Variants in DERA observed in about 807,000 individuals in gnomAD.
The protein encoded by DERA is 2-deoxy-D-ribose 5-phosphate aldolase.
A neutral mutation model predicts 41.1 loss-of-function variants in DERA; 15 were observed. That is an observed-to-expected ratio of 0.37 (90% CI 0.24 to 0.56). The LOEUF (loss-of-function observed/expected upper bound fraction) is 0.56. DERA is among the 20% of genes least tolerant of loss of function. The pLI is 0.81. For synonymous variants in DERA, 139 were observed against 137.4 expected (o/e 1.01, Z -0.08); for missense variants, 396 against 403.4 (o/e 0.98, Z 0.16).
In DERA at chr12:16,007,182, T is replaced by G. The variant is rs546053397; in HGVS notation, c.637+24746T>G. ...TCTTTTTGGGGTTTTTTTGTTTTTT[T>G]TTTTTTGTTTTTTTTTTTTGAGACA... On this transcript the variant is annotated intron_variant, in intron 6 of 8. Transcript: ENST00000428559. Among the ~76,000 whole-genome samples the G allele has an allele frequency of 1.8e-4, 26 of 148,320 alleles. No individual in the cohort carries two copies. The South Asian group carries it at 3.4e-3, about 19-fold the overall frequency.
In DERA at chr12:16,000,822, A is replaced by G. The variant is rs975192631; in HGVS notation, c.637+18386A>G. Among the ~76,000 whole-genome samples the G allele has an allele frequency of 6.6e-6, 1 of 152,094 alleles. No individual in the cohort carries two copies. The highest frequency in any genetic ancestry group is 1.5e-5 in the Non-Finnish European group (1 of 68,024). ...ATATGTTACCTCAGAGTCTGTAATG[A>G]TACCTATAGTTGCATCCATCAGATG... On this transcript the variant is annotated intron_variant, in intron 6 of 8. Coordinates refer to ENST00000428559, the MANE Select transcript of DERA (RefSeq NM_015954.4). This position sits in a 1 kb window ranked among gnomAD's most constrained non-coding sequence, Gnocchi z 4.8.
intron 1 of DERA, among the ~76,000 whole-genome samples, chr12:15,933,476 C>T (rs1948344214): frequency 6.6e-6 from 1 of 151,894 alleles, no homozygotes; most frequent in South Asian, 2.1e-4. Context: ...TTTGTTATAC[C>T]AAATTGGCAG....
rs117473613 is a variant in DERA, at chr12:15,941,535, C to G, written c.32-15401C>G. On this transcript the variant is annotated intron_variant, in intron 1 of 8. Coordinates refer to ENST00000428559, the MANE Select transcript of DERA (RefSeq NM_015954.4). The surrounding 1 kb of genome is among the most constrained non-coding windows in gnomAD (Gnocchi z 4.5). ...TTTATTCCTCACCCCTCCCTATTCT[C>G]TCCCGCTGAATCCTCAGAGTTCGCT... Among the ~76,000 whole-genome samples the G allele has an allele frequency of 1.3e-5, 2 of 152,268 alleles. No homozygotes were observed. Among genetic ancestry groups the G allele is most frequent in the East Asian group, 1.9e-4 (1 of 5,174 alleles).
intron 1 of DERA, among the ~76,000 whole-genome samples, chr12:15,934,030 C>CTAGG (rs1948348026): frequency 6.6e-6 from 1 of 152,132 alleles, no homozygotes; most frequent in African/African-American, 2.4e-5. Flanking sequence ...GTTGGTTGTA[C>CTAGG]TAGGATAAAG....
chr12:16,032,720 C>A, intron 7 of DERA, 66 bp downstream of exon 7: 1 of 955,748 alleles, frequency 1.0e-6, no homozygotes. Flanking sequence ...CTAGTTACAG[C>A]CACAATAACT....
intron 1 of DERA, among the ~76,000 whole-genome samples, chr12:15,932,607 A>G (rs1948336811): frequency 6.6e-6 from 1 of 152,014 alleles, no homozygotes; most frequent in Non-Finnish European, 1.5e-5. Context: ...TTGTGCCATT[A>G]CACTTCAGCC....
chr12:16,036,393 T>A lies in DERA; in HGVS notation c.900+12T>A, dbSNP rs142435227. 1.3e-6 allele frequency: 2 copies of A among 1,575,928 alleles called. No homozygotes were observed. The highest frequency in any genetic ancestry group is 8.6e-7 in the Non-Finnish European group (1 of 1,165,206). The stretch of plus-strand genomic sequence containing the variant: ...ACATTGAGAGGCAGGTGAGTAATCA[T>A]CTCTGTCTTTGGAATAAATTAACAA... On this transcript the variant is annotated intron_variant, in intron 8 of 8. Coordinates refer to ENST00000428559, the MANE Select transcript of DERA (RefSeq NM_015954.4). The surrounding 1 kb of genome is among the most constrained non-coding windows in gnomAD (Gnocchi z 4.9).
intron 6 of DERA, among the ~76,000 whole-genome samples, chr12:16,005,474 C>T (rs369509786): frequency 3.9e-5 from 6 of 152,046 alleles, no homozygotes; most frequent in South Asian, 2.1e-4. Flanking sequence ...AAGACCAGCT[C>T]GCTTCAACCG....
In DERA at chr12:15,941,489, G is replaced by A. The variant is rs1429340625; in HGVS notation, c.32-15447G>A. ...TGTACCCATCACCCTAGCAATGTAC[G>A]CTGTACCTAATATGTAGTCTTTTAT... On this transcript the variant is annotated intron_variant, in intron 1 of 8. Coordinates refer to ENST00000428559, the MANE Select transcript of DERA (RefSeq NM_015954.4). This position sits in a 1 kb window ranked among gnomAD's most constrained non-coding sequence, Gnocchi z 4.5. Among the ~76,000 whole-genome samples the A allele has an allele frequency of 1.3e-5, 2 of 152,082 alleles. No homozygotes were observed. Among genetic ancestry groups the A allele is most frequent in the South Asian group, 2.1e-4 (1 of 4,826 alleles).
intron 6 of DERA, among the ~76,000 whole-genome samples, chr12:16,031,937 T>C (rs1949095213): frequency 6.6e-6 from 1 of 152,210 alleles, no homozygotes; most frequent in African/African-American, 2.4e-5. Flanking sequence ...GTTATTTTGT[T>C]AAACTACATT....
At chr12:16,033,778 CT>C (rs1395948205) in intron 7 of DERA, among the ~76,000 whole-genome samples, 1 of 151,590 alleles carries the variant, frequency 6.6e-6, no homozygotes, top group East Asian at 1.9e-4. Context: ...GAATAGTGAC[CT>C]TTTTTTTAAT....
At chr12:15,944,823 G>A (rs1948435036) in intron 1 of DERA, among the ~76,000 whole-genome samples, 1 of 152,258 alleles carries the variant, frequency 6.6e-6, no homozygotes, top group Non-Finnish European at 1.5e-5. Flanking sequence ...GTCCTGAATG[G>A]TATTGCCTAG....
At position 15,994,599 on chromosome 12, in the gene DERA, G is replaced by T. The variant is rs1286881950; in HGVS notation, c.637+12163G>T. Among the ~76,000 whole-genome samples the T allele has an allele frequency of 6.6e-6, 1 of 152,140 alleles. No homozygotes were observed. Among genetic ancestry groups the T allele is most frequent in the Non-Finnish European group, 1.5e-5 (1 of 68,022 alleles). ...CTCCTGAATAGCTGGGACTACAGGC[G>T]CCTGCAACCACGCCTGGCTAATTTT... On this transcript the variant is annotated intron_variant, in intron 6 of 8. Coordinates refer to ENST00000428559, the MANE Select transcript of DERA (RefSeq NM_015954.4). This position sits in a 1 kb window ranked among gnomAD's most constrained non-coding sequence, Gnocchi z 4.8.
rs1297307802 is a variant in DERA, at chr12:16,019,538, T to G, written c.638-13004T>G. Among the ~76,000 whole-genome samples, 2 of 152,212 alleles carry G rather than the reference T, an allele frequency of 1.3e-5. No homozygotes were observed. The highest frequency in any genetic ancestry group is 2.9e-5 in the Non-Finnish European group (2 of 68,048). On this transcript the variant is annotated intron_variant, in intron 6 of 8. Transcript: ENST00000428559. This position sits in a 1 kb window ranked among gnomAD's most constrained non-coding sequence, Gnocchi z 4.4. The stretch of plus-strand genomic sequence containing the variant: ...ATACATTCATATATCTGTGTATATG[T>G]CCCTCCTCCCACCTCACCTCCAACA...
chr12:16,028,752 A>G (rs555656905), intron 6 of DERA, among the ~76,000 whole-genome samples: 14 of 152,368 alleles, frequency 9.2e-5, no homozygotes, highest in Non-Finnish European at 1.5e-4. Flanking sequence ...ACCTCAGTCC[A>G]GTGATGAGAA....
rs755525686 is a variant in DERA, at chr12:16,020,517, AAC to A, written c.638-12021_638-12020del. On this transcript the variant is annotated intron_variant, in intron 6 of 8. Coordinates refer to ENST00000428559, the MANE Select transcript of DERA (RefSeq NM_015954.4). This position sits in a 1 kb window ranked among gnomAD's most constrained non-coding sequence, Gnocchi z 5.5. ...CTTTGTAGCAATGCAAGAATGGACT[AAC>A]ACAGAAAACTGATACCAGGAGTGGT... Among the ~76,000 whole-genome samples the A allele has an allele frequency of 2.0e-5, 3 of 152,226 alleles. No homozygotes were observed.
chr12:15,951,133 G>A (rs1948494638), intron 1 of DERA, among the ~76,000 whole-genome samples: 1 of 152,188 alleles, frequency 6.6e-6, no homozygotes. Context: ...GTTGGCCCAG[G>A]GACAGTCTGT....
Position 15,964,992 on chromosome 12 carries a change from C to T in DERA, c.508+2045C>T, listed in dbSNP as rs539341945. On this transcript the variant is annotated intron_variant, in intron 5 of 8. Coordinates refer to ENST00000428559, the MANE Select transcript of DERA (RefSeq NM_015954.4). ...TTTTCTAGTGTTAATAACCTCTTGA[C>T]CCAAACAAATTGAAAAGGAACATTT... 2.0e-5 allele frequency among the ~76,000 whole-genome samples: 3 copies of T among 152,180 alleles called. No homozygotes were observed. In the South Asian group the frequency reaches 6.2e-4, roughly 32 times the overall value.
At position 15,982,204 on chromosome 12, in the gene DERA, T is replaced by TAA; in HGVS notation, c.509-104_509-103insAA. 2 of 1,167,472 alleles carry TAA rather than the reference T, an allele frequency of 1.7e-6. No homozygotes were observed. The highest frequency in any genetic ancestry group is 2.4e-6 in the Non-Finnish European group (2 of 839,058). 72.3% of individuals were successfully genotyped at this position (1,167,472 alleles called of 1,614,324 possible). On this transcript the variant is annotated intron_variant, in intron 5 of 8. Transcript: ENST00000428559. The surrounding 1 kb of genome is among the most constrained non-coding windows in gnomAD (Gnocchi z 4.0). ...TGATTTTTAGAAAGTGACAAATGTT[T>TAA]TATGTTTCCTAAATGTGAAATGGGT...
Sources: allele counts gnomAD v4.1 joint callset (sites outside exome capture counted in the v4.1 genomes callset), GRCh38; gene constraint gnomAD v4.1.1; non-coding constraint Gnocchi (gnomAD v3.1); transcripts MANE v1.5; gene names NCBI Gene and HGNC (gene_info 2026-07-23, HGNC 2026-07-21).